The following KCNB2 variants were observed in gnomAD, a reference collection of about 807,000 sequenced individuals.
KCNB2 encodes delayed rectifier potassium channel protein.
In KCNB2, 15 loss-of-function variants were observed where a neutral mutation model predicts 61.5. The ratio of observed to expected loss-of-function variants is 0.24; its 90% CI spans 0.16 to 0.38. The LOEUF is 0.38. Ranked by LOEUF, KCNB2 falls within the 10% of genes least tolerant of loss-of-function variation. KCNB2 has a pLI of 1.00. For missense variants in KCNB2, 828 were observed against 1,125.2 expected, an observed-to-expected ratio of 0.74 and a Z score of 3.78; for synonymous variants, 457 against 446.0, an observed-to-expected ratio of 1.02 and a Z score of -0.31.
intron 2 of KCNB2, among the ~76,000 whole-genome samples, chr8:72,823,890 AG>A (rs899394153): frequency 1.4e-4 from 22 of 152,284 alleles, no homozygotes; most frequent in Non-Finnish European, 2.2e-4. Context: ...TACACCTCTA[AG>A]GGCTTTCCAT....
At chr8:72,636,131 TGG>T in intron 2 of KCNB2, among the ~76,000 whole-genome samples, 1 of 152,266 alleles carries the variant, frequency 6.6e-6, no homozygotes, top group South Asian at 2.1e-4. Context: ...TCAGAAGACA[TGG>T]GTTCAAATTC....
At chr8:72,870,060 A>G (rs1805592511) in intron 2 of KCNB2, among the ~76,000 whole-genome samples, 2 of 152,222 alleles carry the variant, frequency 1.3e-5, no homozygotes, top group Admixed American at 6.5e-5. Context: ...GAACCCGGAG[A>G]GCATTATGCT....
intron 2 of KCNB2, among the ~76,000 whole-genome samples, chr8:72,653,792 T>C (rs1806248161): frequency 6.6e-6 from 1 of 152,188 alleles, no homozygotes; most frequent in Middle Eastern, 3.2e-3. Context: ...TACAGAAAAC[T>C]ACATGTTGAT....
chr8:72,715,629 A>G (rs1212744219), intron 2 of KCNB2, among the ~76,000 whole-genome samples: 1 of 152,264 alleles, frequency 6.6e-6, no homozygotes, highest in Non-Finnish European at 1.5e-5. Flanking sequence ...CAAAGACACA[A>G]CATACCAGAA....
At chr8:72,659,377 T>G (rs1001843850) in intron 2 of KCNB2, among the ~76,000 whole-genome samples, 1 of 152,236 alleles carries the variant, frequency 6.6e-6, no homozygotes, top group Non-Finnish European at 1.5e-5. Context: ...TTGCTTCTTA[T>G]GGATGAGCAA....
chr8:72,866,355 A>G (rs907194219), intron 2 of KCNB2, among the ~76,000 whole-genome samples: 2 of 152,216 alleles, frequency 1.3e-5, no homozygotes, highest in African/African-American at 4.8e-5. Context: ...TAAAGTGCCC[A>G]TAGGGACAGT....
Position 72,672,208 on chromosome 8 carries a change from T to C in KCNB2, c.579+103895T>C, listed in dbSNP as rs370673686. Among the ~76,000 whole-genome samples the C allele has an allele frequency of 3.9e-5, 6 of 152,250 alleles. No homozygotes were observed. In the East Asian group the frequency reaches 7.7e-4, roughly 19 times the overall value. ...ATACACAAAGATATTCTGAAAAGTA[T>C]ATTTTGTTACAAAATTATTGCATTA... On this transcript the variant is annotated intron_variant, in intron 2 of 2. Transcript: ENST00000523207.
chr8:72,851,826 G>GAAAAAAAAAAAAAAAAAAAA lies in KCNB2; in HGVS notation c.580-84106_580-84087dup, dbSNP rs55696554. Among the ~76,000 whole-genome samples the GAAAAAAAAAAAAAAAAAAAA allele has an allele frequency of 5.9e-4, 26 of 43,864 alleles. 2 individuals carry two copies. The highest frequency in any genetic ancestry group is 8.2e-4 in the Non-Finnish European group (21 of 25,626). 28.8% of individuals were successfully genotyped at this position (43,864 alleles called of 152,430 possible). On this transcript the variant is annotated intron_variant, in intron 2 of 2. Transcript: ENST00000523207. ...TTTTTTTTTAATGTAGAAGCTGTAG[G>GAAAAAAAAAAAAAAAAAAAA]AAAAAAAAAAAAAAAAAAAAAACAC...
intron 2 of KCNB2, among the ~76,000 whole-genome samples, chr8:72,595,529 T>C (rs1390872558): frequency 1.3e-5 from 2 of 152,034 alleles, no homozygotes; most frequent in Admixed American, 1.3e-4. Context: ...TTTCACCATA[T>C]TGACCAGGCT....
intron 2 of KCNB2, among the ~76,000 whole-genome samples, chr8:72,816,671 C>T (rs1340133169): frequency 2.6e-5 from 4 of 152,180 alleles, no homozygotes; most frequent in Non-Finnish European, 1.5e-5. Flanking sequence ...ACCAAGCTTA[C>T]CCTAAAACCT....
chr8:72,915,919 A>AAAAAG lies in KCNB2; in HGVS notation c.580-20001_580-19997dup, dbSNP rs893539523. Among the ~76,000 whole-genome samples, 47 of 152,216 alleles carry AAAAAG rather than the reference A, an allele frequency of 3.1e-4. 1 individual carries two copies. The highest frequency in any genetic ancestry group is 8.5e-4 in the Admixed American group (13 of 15,286). On this transcript the variant is annotated intron_variant, in intron 2 of 2. Coordinates refer to ENST00000523207, the MANE Select transcript of KCNB2 (RefSeq NM_004770.3). The stretch of plus-strand genomic sequence containing the variant: ...GGGCAACAGAGTAAGAATCCGTCTC[A>AAAAAG]AAAAGAAAAGAAAAGAAAAATCTGA...
intron 2 of KCNB2, among the ~76,000 whole-genome samples, chr8:72,620,934 C>A (rs1335174933): frequency 6.6e-6 from 1 of 152,130 alleles, no homozygotes; most frequent in Non-Finnish European, 1.5e-5. Context: ...TACATTAATT[C>A]ATTGGATTAC....
chr8:72,817,719 A>G (rs1393056754), intron 2 of KCNB2, among the ~76,000 whole-genome samples: 1 of 152,140 alleles, frequency 6.6e-6, no homozygotes, highest in East Asian at 1.9e-4. Context: ...GAGTTGCCTA[A>G]CCTGCTGGAT....
At chr8:72,912,332 G>A (rs183600341) in intron 2 of KCNB2, among the ~76,000 whole-genome samples, 53 of 151,940 alleles carry the variant, frequency 3.5e-4, no homozygotes, top group African/African-American at 1.0e-3. Flanking sequence ...TACATGAGGT[G>A]GATGAAATAA....
chr8:72,891,190 G>A (rs1025491249), intron 2 of KCNB2, among the ~76,000 whole-genome samples: 2 of 152,158 alleles, frequency 1.3e-5, no homozygotes, highest in Admixed American at 6.5e-5. Flanking sequence ...AAAACCACAT[G>A]CTGCTTACAT....
intron 2 of KCNB2, among the ~76,000 whole-genome samples, chr8:72,912,514 ATATGAG>A (rs1237867414): frequency 2.8e-5 from 4 of 144,336 alleles, no homozygotes; most frequent in Admixed American, 2.1e-4. Context: ...ATATATATAT[ATATGAG>A]TAATATATAA....
intron 2 of KCNB2, among the ~76,000 whole-genome samples, chr8:72,631,654 C>T (rs1038041555): frequency 2.0e-5 from 3 of 152,154 alleles, no homozygotes; most frequent in African/African-American, 7.2e-5. Flanking sequence ...CACAATTCAA[C>T]CCATAACAGC....
intron 2 of KCNB2, among the ~76,000 whole-genome samples, chr8:72,670,707 A>C (rs1373905675): frequency 6.6e-6 from 1 of 152,198 alleles, no homozygotes; most frequent in African/African-American, 2.4e-5. Flanking sequence ...GGACATAAAC[A>C]ATATAAATCC....
At chr8:72,692,372 CT>C (rs1806953848) in intron 2 of KCNB2, among the ~76,000 whole-genome samples, 1 of 151,192 alleles carries the variant, frequency 6.6e-6, no homozygotes, top group South Asian at 2.1e-4. Context: ...GAATTATATT[CT>C]TCAGCATAGA....
Sources: gnomAD v4.1 joint callset for allele counts (sites outside exome capture counted in the v4.1 genomes callset) on GRCh38, gnomAD v4.1.1 for gene constraint, MANE v1.5 for transcripts, NCBI Gene and HGNC (gene_info 2026-07-23, HGNC 2026-07-21) for gene names.